The following ZNF624 variants were observed in gnomAD, a reference collection of about 807,000 sequenced individuals.
ZNF624 encodes zinc finger protein 624.
ZNF624 carries 43 observed loss-of-function variants against 74.7 expected under a neutral mutation model. That is an observed-to-expected ratio of 0.58 (90% CI 0.45 to 0.74). The LOEUF (loss-of-function observed/expected upper bound fraction) is 0.74. Among genes scored for constraint, ZNF624 ranks in the 30% least tolerant of loss-of-function variants. The pLI, the probability that ZNF624 is intolerant of heterozygous loss-of-function variation, is 0.00. For synonymous variants in ZNF624, 331 were observed against 341.3 expected (o/e 0.97, Z 0.33); for missense variants, 820 against 1,030.0 (o/e 0.80, Z 2.79).
At chr17:16,639,651 T>C (rs939398685) in intron 3 of ZNF624, among the ~76,000 whole-genome samples, 10 of 152,198 alleles carry the variant, frequency 6.6e-5, no homozygotes, top group Non-Finnish European at 2.9e-5. Flanking sequence ...GAAGACTTAC[T>C]GGTTTAAGGC....
downstream of ZNF624, among the ~76,000 whole-genome samples, chr17:16,618,204 G>T (rs1378772043): frequency 6.6e-6 from 1 of 151,972 alleles, no homozygotes; most frequent in Non-Finnish European, 1.5e-5. Flanking sequence ...AATTAGCCGG[G>T]TGTGGTGGCA....
At chr17:16,651,445 A>AAGTG (rs1390391629) in intron 1 of ZNF624, among the ~76,000 whole-genome samples, 14 of 151,848 alleles carry the variant, frequency 9.2e-5, no homozygotes, top group Admixed American at 9.2e-4. Context: ...AAAAAAAAAA[A>AAGTG]AGTGAGTATC....
intron 4 of ZNF624, 111 bp from the exon 5 acceptor site, chr17:16,634,068 T>G: frequency 1.3e-6 from 1 of 769,970 alleles, no homozygotes. Flanking sequence ...CAGGAAGTTC[T>G]AGAGCTGCAC....
chr17:16,622,566 G>A lies in ZNF624; in HGVS notation c.2320C>T (p.His774Tyr). Residue 774 changes from histidine (H) to tyrosine (Y), a missense_variant, in exon 6 of 6, where the codon CAC becomes TAC. His to Tyr is a moderately conservative substitution (Grantham distance 83). Transcript: ENST00000311331. ...CAGGTGTAGGGTTTTTCTCCAGTGT[G>A]TGTTCTCCAATGCACTGTAAGGTAA... is the stretch of plus-strand genomic sequence containing the variant. ...GSYLTVHWRTHTGEKPYTCKE... is the reference protein window; with the variant it reads ...GSYLTVHWRTYTGEKPYTCKE... 6.2e-7 allele frequency: 1 copy of A among 1,613,998 alleles called. No individual in the cohort carries two copies. The highest frequency in any genetic ancestry group is 8.5e-7 in the Non-Finnish European group (1 of 1,179,948).
intron 1 of ZNF624, among the ~76,000 whole-genome samples, chr17:16,651,197 C>T (rs971753627): frequency 1.3e-5 from 2 of 151,886 alleles, no homozygotes; most frequent in Non-Finnish European, 2.9e-5. Context: ...GAGGCCGAGG[C>T]GGGCAGAGCA....
chr17:16,622,508 G>A lies in ZNF624; in HGVS notation c.2378C>T (p.Ser793Leu). Reference protein sequence around the residue: ...KECGKGCITLSQLTLHQRIHT... With the variant: ...KECGKGCITLLQLTLHQRIHT... ...AATTCTCTGATGTAGGGTTAGCTGT[G>A]ATAGAGTAATACAACCCTTTCCACA... Residue 793 changes from serine to leucine, a missense_variant, in exon 6 of 6, where the codon TCA (serine) becomes TTA (leucine). Coordinates refer to ENST00000311331, the MANE Select transcript of ZNF624 (RefSeq NM_020787.4). 6.2e-7 allele frequency: 1 copy of A among 1,613,906 alleles called. No homozygotes were observed. The highest frequency in any genetic ancestry group is 8.5e-7 in the Non-Finnish European group (1 of 1,179,876).
chr17:16,634,057 AC>A (rs869250329), intron 4 of ZNF624, 100 bp from the exon 5 acceptor site: 2 of 907,054 alleles, frequency 2.2e-6, no homozygotes, highest in East Asian at 2.6e-5. Context: ...AATGACCATT[AC>A]AGGAAGTTCT....
chr17:16,648,582 T>C (rs1056751650), intron 2 of ZNF624, among the ~76,000 whole-genome samples: 1 of 152,238 alleles, frequency 6.6e-6, no homozygotes, highest in Non-Finnish European at 1.5e-5. Context: ...AAGGACTATT[T>C]ACATGTTACA....
intron 3 of ZNF624, among the ~76,000 whole-genome samples, chr17:16,635,621 T>C (rs1379961956): frequency 2.0e-5 from 3 of 152,026 alleles, no homozygotes; most frequent in Non-Finnish European, 4.4e-5. Flanking sequence ...CTGAGAAAAA[T>C]AACTGCAAAA....
downstream of ZNF624, chr17:16,617,854 T>A (rs912603028): frequency 8.1e-6 from 13 of 1,610,368 alleles, no homozygotes; most frequent in Admixed American, 2.0e-4. Flanking sequence ...ACGTTGTAGC[T>A]TAGGCGTCCT....
chr17:16,622,418 A>C lies in ZNF624; in HGVS notation c.2468T>G (p.Phe823Cys). ...AGTATGCATCCTCAAGTGTACAGTA[A>C]AGTCTGAGTTAGTTCTGAAGGCTTT... ...CGKAFRTNSD[F>C]TVHLRMHTGE... The change falls in exon 6 of 6, where the codon TTT becomes TGT. Residue 823 changes from phenylalanine (F) to cysteine (C), a missense_variant. Transcript: ENST00000311331. 1 of 1,613,970 alleles carries C rather than the reference A, an allele frequency of 6.2e-7. No homozygotes were observed. Among genetic ancestry groups the C allele is most frequent in the Middle Eastern group, 1.7e-4 (1 of 6,060 alleles).
intron 3 of ZNF624, among the ~76,000 whole-genome samples, chr17:16,638,019 A>G (rs1256040266): frequency 6.6e-6 from 1 of 152,216 alleles, no homozygotes; most frequent in African/African-American, 2.4e-5. Context: ...ACAAATTTAC[A>G]AGAAAAAAAC....
At chr17:16,635,188 C>G (rs1342750309) in intron 3 of ZNF624, among the ~76,000 whole-genome samples, 1 of 152,082 alleles carries the variant, frequency 6.6e-6, no homozygotes, top group East Asian at 1.9e-4. Flanking sequence ...AATCTATAGA[C>G]TATGACTTAC....
downstream of ZNF624, among the ~76,000 whole-genome samples, chr17:16,619,452 A>AC (rs1357258495): frequency 6.6e-6 from 1 of 152,186 alleles, no homozygotes; most frequent in African/African-American, 2.4e-5. Context: ...ATCTAAAAAA[A>AC]CCCCGTCTCC....
intron 3 of ZNF624, among the ~76,000 whole-genome samples, chr17:16,646,835 T>C (rs970742744): frequency 6.6e-6 from 1 of 152,240 alleles, no homozygotes; most frequent in Non-Finnish European, 1.5e-5. Context: ...AATGGTCTAA[T>C]ATGACTCTGA....
At chr17:16,644,610 T>C (rs916322930) in intron 3 of ZNF624, among the ~76,000 whole-genome samples, 1 of 152,144 alleles carries the variant, frequency 6.6e-6, no homozygotes, top group Admixed American at 6.5e-5. Flanking sequence ...GCAAATAACA[T>C]TAAGCCAGAC....
At chr17:16,647,511 C>A in intron 2 of ZNF624, 117 bp from the exon 3 acceptor site, 2 of 770,036 alleles carry the variant, frequency 2.6e-6, no homozygotes, top group Non-Finnish European at 4.6e-6. Flanking sequence ...ACCTCACCTA[C>A]TGTTTTACTT....
At chr17:16,620,132 T>C (rs1195688488), downstream of ZNF624, among the ~76,000 whole-genome samples, 1 of 152,202 alleles carries the variant, frequency 6.6e-6, no homozygotes, top group African/African-American at 2.4e-5. Context: ...TGAAAGGGTA[T>C]TTGATCCTCT....
intron 5 of ZNF624, among the ~76,000 whole-genome samples, chr17:16,630,931 G>A (rs1049382350): frequency 7.0e-6 from 1 of 142,134 alleles, no homozygotes; most frequent in Non-Finnish European, 1.6e-5. Context: ...TAAGTATACA[G>A]ATTTTAACAT....
Sources: allele counts gnomAD v4.1 joint callset (sites outside exome capture counted in the v4.1 genomes callset), GRCh38; gene constraint gnomAD v4.1.1; transcripts MANE v1.5; gene names NCBI Gene and HGNC (gene_info 2026-07-23, HGNC 2026-07-21).